DOP1B: variants seen among roughly 807,000 people sequenced by gnomAD.
DOP1B encodes the protein DOP1 leucine zipper like protein B, also known as protein DOP1B.
DOP1B carries 174 observed loss-of-function variants against 233.5 expected under a neutral mutation model. The ratio of observed to expected loss-of-function variants is 0.75; its 90% CI spans 0.66 to 0.85. The LOEUF is 0.85. Among genes scored for constraint, DOP1B ranks in the 40% least tolerant of loss-of-function variants. The pLI, the probability that DOP1B is intolerant of heterozygous loss-of-function variation, is 0.00. For missense variants in DOP1B, 2,652 were observed against 2,846.6 expected (o/e 0.93, Z 1.56); for synonymous variants, 1,190 against 1,185.6 (o/e 1.00, Z -0.08).
rs539085032 is a variant in DOP1B, at chr21:36,216,798, C to T, written c.1129+2242C>T. Among the ~76,000 whole-genome samples the T allele has an allele frequency of 2.2e-3, 335 of 151,646 alleles. 3 individuals are homozygous for T. Among genetic ancestry groups the T allele is most frequent in the Non-Finnish European group, 4.0e-3 (271 of 67,862 alleles). ...GAGGACAAGAGAGCTGAGGGCTGGC[C>T]GGGTGTGGTGGCTCATGCCTGTAAT... On this transcript the variant is annotated intron_variant, in intron 9 of 36. Transcript: ENST00000691173.
intron 32 of DOP1B, 129 bp from the exon 33 acceptor site, chr21:36,287,885 T>C: frequency 2.5e-6 from 3 of 1,205,226 alleles, no homozygotes; most frequent in Non-Finnish European, 3.4e-6. Context: ...AAGCCTGGCC[T>C]GTAACACTCA....
At chr21:36,193,308 T>G (rs1052184226) in intron 2 of DOP1B, among the ~76,000 whole-genome samples, 2 of 152,160 alleles carry the variant, frequency 1.3e-5, no homozygotes, top group Non-Finnish European at 2.9e-5. Context: ...TTGGGTTTGA[T>G]GAAGTGTGAC....
intron 27 of DOP1B, among the ~76,000 whole-genome samples, chr21:36,270,958 TCTTAA>T (rs2067281829): frequency 6.7e-6 from 1 of 149,776 alleles, no homozygotes; most frequent in African/African-American, 2.4e-5. Context: ...GTGATGCATG[TCTTAA>T]CTTGTGTTTT....
intron 35 of DOP1B, among the ~76,000 whole-genome samples, chr21:36,290,811 A>T (rs998425285): frequency 6.6e-4 from 100 of 151,392 alleles, no homozygotes; most frequent in Middle Eastern, 3.4e-3. Flanking sequence ...AAAAAAAAAA[A>T]ATACAAAAAT....
At chr21:36,254,465 G>A (rs1013531951) in intron 23 of DOP1B, among the ~76,000 whole-genome samples, 2 of 152,036 alleles carry the variant, frequency 1.3e-5, no homozygotes, top group Non-Finnish European at 2.9e-5. Context: ...AGAGCAGGTG[G>A]GGAGGCTGCT....
intron 30 of DOP1B, among the ~76,000 whole-genome samples, chr21:36,280,062 A>T (rs1381548394): frequency 6.6e-6 from 1 of 152,146 alleles, no homozygotes; most frequent in Non-Finnish European, 1.5e-5. Flanking sequence ...TTTAGTAGAG[A>T]CAGGGTTTCT....
chr21:36,177,999 G>C (rs911406449), intron 2 of DOP1B, among the ~76,000 whole-genome samples: 1 of 152,134 alleles, frequency 6.6e-6, no homozygotes, highest in African/African-American at 2.4e-5. Context: ...AGAAAGTTAG[G>C]AGCTAGAAAC....
intron 26 of DOP1B, among the ~76,000 whole-genome samples, chr21:36,264,079 G>A (rs1280202292): frequency 1.3e-5 from 2 of 152,188 alleles, no homozygotes; most frequent in Admixed American, 6.5e-5. Context: ...CCTCCACACT[G>A]TATGCAGATG....
intron 2 of DOP1B, among the ~76,000 whole-genome samples, chr21:36,189,097 C>T (rs1239933018): frequency 6.6e-6 from 1 of 152,098 alleles, no homozygotes; most frequent in African/African-American, 2.4e-5. Flanking sequence ...TAAATCATGC[C>T]GTGTCCTGGG....
chr21:36,293,366 T>C lies in DOP1B; in HGVS notation c.6692T>C (p.Leu2231Pro), dbSNP rs1338246158. 3 of 1,614,180 alleles carry C rather than the reference T, an allele frequency of 1.9e-6. No homozygotes were observed. The highest frequency in any genetic ancestry group is 1.7e-5 in the Admixed American group (1 of 60,004). The part of the protein sequence containing the change: ...DEITMKSEFP[L>P]LRQHSVSSIR... ...ATCACCATGAAGAGTGAATTCCCGC[T>C]TCTGCGCCAACATTCTGTTTCCAGC... The change falls in exon 37 of 37, where the codon CTT becomes CCT. Residue 2231 changes from leucine (L) to proline (P), a missense_variant. By Grantham distance (98) the Leu-to-Pro change is moderately conservative (BLOSUM62 -3). Coordinates refer to ENST00000691173, the MANE Select transcript of DOP1B (RefSeq NM_001320714.2).
At chr21:36,240,539 G>T (rs1344628999) in intron 18 of DOP1B, among the ~76,000 whole-genome samples, 1 of 152,180 alleles carries the variant, frequency 6.6e-6, no homozygotes, top group African/African-American at 2.4e-5. Context: ...TACAAGGTAA[G>T]TGGTTTATTT....
chr21:36,203,345 CTG>C (rs1364497381), intron 4 of DOP1B, among the ~76,000 whole-genome samples: 2 of 152,316 alleles, frequency 1.3e-5, no homozygotes, highest in East Asian at 3.9e-4. Flanking sequence ...ATTGAAGTGA[CTG>C]TACAAGATTT....
At chr21:36,238,873 CG>C (rs988761602) in intron 17 of DOP1B, among the ~76,000 whole-genome samples, 172 bp downstream of exon 17, 1 of 152,154 alleles carries the variant, frequency 6.6e-6, no homozygotes, top group African/African-American at 2.4e-5. Flanking sequence ...GAAGCCGAGG[CG>C]GGCAGATCAC....
chr21:36,266,207 G>C (rs2067228465), intron 26 of DOP1B, among the ~76,000 whole-genome samples: 1 of 152,072 alleles, frequency 6.6e-6, no homozygotes, highest in Non-Finnish European at 1.5e-5. Flanking sequence ...ACAGAGTCTT[G>C]CTCTTGTTGC....
At chr21:36,191,648 T>C (rs914212867) in intron 2 of DOP1B, among the ~76,000 whole-genome samples, 2 of 152,070 alleles carry the variant, frequency 1.3e-5, no homozygotes, top group Non-Finnish European at 2.9e-5. Context: ...TAGCCGGGCA[T>C]GGTGGCACGT....
rs772874597 is a variant in DOP1B at position 36,223,377 on chromosome 21, ATATT to A, written c.1370+30_1370+33del. 12 of 1,597,290 alleles carry A rather than the reference ATATT, an allele frequency of 7.5e-6. No individual in the cohort carries two copies. The Admixed American group carries it at 2.2e-4, about 29-fold the overall frequency. On this transcript the variant is annotated intron_variant, in intron 11 of 36. Transcript: ENST00000691173. ...TAAGTATGCAGTTCAAGAATGCAGA[ATATT>A]TAGGAAGGATGAGAGGGTTTAATAA...
chr21:36,289,059 T>G lies in DOP1B; in HGVS notation c.6368T>G (p.Val2123Gly). Residue 2123 changes from valine to glycine, a missense_variant, in exon 35 of 37, where the codon GTA becomes GGA. Coordinates refer to ENST00000691173, the MANE Select transcript of DOP1B (RefSeq NM_001320714.2). The stretch of plus-strand genomic sequence containing the variant: ...CAAATTTATAGAAGCACCAACAAAG[T>G]AAACAGAACGAAAGTTTCAGTCCCG... ...EDESLRSTNK[V>G]NRTKVSVPDA... 6.2e-7 allele frequency: 1 copy of G among 1,611,328 alleles called. No individual in the cohort carries two copies. Among genetic ancestry groups the G allele is most frequent in the Non-Finnish European group, 8.5e-7 (1 of 1,179,430 alleles).
At chr21:36,212,442 G>T (rs368654546) in intron 7 of DOP1B, among the ~76,000 whole-genome samples, 1 of 152,196 alleles carries the variant, frequency 6.6e-6, no homozygotes, top group African/African-American at 2.4e-5. Flanking sequence ...AGGGTGTATC[G>T]TGGAGAAAAC....
Position 36,271,864 on chromosome 21 carries a change from G to A in DOP1B, c.5632+1707G>A, listed in dbSNP as rs77263608. Among the ~76,000 whole-genome samples, 417 of 152,052 alleles carry A rather than the reference G, an allele frequency of 2.7e-3. 8 individuals carry two copies. The highest frequency in any genetic ancestry group is 0.014 in the Middle Eastern group (4 of 294). ...TTTAGCAAATCAAGCTGGGAGGGTTGGCTCATGCCTGTAATCCCAGCACTT... is the reference window on the plus strand; with the variant it reads ...TTTAGCAAATCAAGCTGGGAGGGTTAGCTCATGCCTGTAATCCCAGCACTT... On this transcript the variant is annotated intron_variant, in intron 27 of 36. Coordinates refer to ENST00000691173, the MANE Select transcript of DOP1B (RefSeq NM_001320714.2).
Sources: gnomAD v4.1 joint callset for allele counts (sites outside exome capture counted in the v4.1 genomes callset) on GRCh38, gnomAD v4.1.1 for gene constraint, MANE v1.5 for transcripts, NCBI Gene and HGNC (gene_info 2026-07-23, HGNC 2026-07-21) for gene names.